DENND1A: variants seen among roughly 807,000 people sequenced by gnomAD.
DENND1A encodes the protein DENN domain containing 1A.
DENND1A carries 51 observed loss-of-function variants against 113.7 expected under a neutral mutation model. That is an observed-to-expected ratio of 0.45 (90% CI 0.36 to 0.57). The LOEUF is 0.57. DENND1A is among the 20% of genes least tolerant of loss of function. The pLI, the probability that DENND1A is intolerant of heterozygous loss-of-function variation, is 0.00. For missense variants in DENND1A, 1,258 were observed against 1,395.9 expected, an observed-to-expected ratio of 0.90 and a Z score of 1.57; for synonymous variants, 565 against 570.8, an observed-to-expected ratio of 0.99 and a Z score of 0.14.
At chr9:123,793,194 T>A (rs1833264471) in intron 2 of DENND1A, among the ~76,000 whole-genome samples, 1 of 152,226 alleles carries the variant, frequency 6.6e-6, no homozygotes. Context: ...CGCTTTTGGC[T>A]TGTCAGTGTA....
intron 1 of DENND1A, among the ~76,000 whole-genome samples, chr9:123,896,265 T>A (rs1440872239): frequency 6.6e-6 from 1 of 151,888 alleles, no homozygotes; most frequent in African/African-American, 2.4e-5. Flanking sequence ...TCAGCCAGGA[T>A]ACTGCCACTG....
chr9:123,815,408 A>G (rs889516787), intron 2 of DENND1A, among the ~76,000 whole-genome samples: 3 of 152,220 alleles, frequency 2.0e-5, no homozygotes, highest in African/African-American at 7.2e-5. Flanking sequence ...AATTCACATG[A>G]CTAGAAACAA....
Position 123,457,897 on chromosome 9 carries a change from C to T in DENND1A, c.994G>A (p.Glu332Lys). The T allele has an allele frequency of 6.2e-7, 1 of 1,608,260 alleles. No homozygotes were observed. ...TCCTCACAGAAAGTGATCGGCTCCTCCTGGGAAGTGCAGAGGGGAGAGGTG... is the reference window on the plus strand; with the variant it reads ...TCCTCACAGAAAGTGATCGGCTCCTTCTGGGAAGTGCAGAGGGGAGAGGTG... ...SYRNALKIEP[E>K]EPITFCEEAF... The change falls in exon 14 of 24, where the codon GAG becomes AAG. Residue 332 changes from glutamate (E) to lysine (K), a missense_variant and splice_region_variant. This residue lies in a region of DENND1A where 1,159 missense variants were observed against 1,231.7 expected (regional missense o/e 0.94). Transcript: ENST00000394215.
At chr9:123,607,549 T>TGTGA (rs2060228026) in intron 11 of DENND1A, among the ~76,000 whole-genome samples, 1 of 61,934 alleles carries the variant, frequency 1.6e-5, no homozygotes, top group Admixed American at 1.6e-4. Flanking sequence ...AGAGAGAGAG[T>TGTGA]GTGTGTGTGT....
chr9:123,447,471 A>G (rs780347307), intron 18 of DENND1A, among the ~76,000 whole-genome samples: 11 of 152,202 alleles, frequency 7.2e-5, no homozygotes, highest in Non-Finnish European at 1.5e-4. Flanking sequence ...CAGCTCAGTC[A>G]TATTAGAGAT....
chr9:123,407,158 G>C (rs2043925886), intron 20 of DENND1A, among the ~76,000 whole-genome samples: 1 of 146,390 alleles, frequency 6.8e-6, no homozygotes, highest in South Asian at 2.3e-4. Context: ...CAGAGCAGGG[G>C]GGGAGGGGCG....
chr9:123,511,899 G>C (rs1046596518), intron 13 of DENND1A, among the ~76,000 whole-genome samples: 6 of 152,188 alleles, frequency 3.9e-5, no homozygotes, highest in African/African-American at 9.7e-5. Context: ...ACAAAACCCA[G>C]CAGTTATCAG....
In DENND1A at chr9:123,421,924, C is replaced by T. The variant is rs1003484632; in HGVS notation, c.1489-10095G>A. Among the ~76,000 whole-genome samples, 5 of 152,310 alleles carry T rather than the reference C, an allele frequency of 3.3e-5. No homozygotes were observed. The East Asian group carries it at 7.7e-4, about 24-fold the overall frequency. On this transcript the variant is annotated intron_variant, in intron 19 of 23. Coordinates refer to ENST00000394215, the MANE Select transcript of DENND1A (RefSeq NM_001352964.2). ...ACCACAAGAAGCCCCTTCTTTCCAG[C>T]CAGCCCCCTCACGGGCCATGGCCCT...
At chr9:123,499,778 C>T (rs897650435) in intron 13 of DENND1A, among the ~76,000 whole-genome samples, 6 of 152,312 alleles carry the variant, frequency 3.9e-5, no homozygotes, top group Admixed American at 1.3e-4. Context: ...GAAGTGCTGC[C>T]GAGCAACCTC....
chr9:123,921,987 TC>T (rs1307666147), intron 1 of DENND1A, among the ~76,000 whole-genome samples: 1 of 151,788 alleles, frequency 6.6e-6, no homozygotes, highest in East Asian at 1.9e-4. Context: ...AGTGGCGTGA[TC>T]TTGACTCACT....
chr9:123,709,570 G>A (rs964695590), intron 5 of DENND1A, among the ~76,000 whole-genome samples: 10 of 151,956 alleles, frequency 6.6e-5, no homozygotes, highest in South Asian at 2.1e-4. Context: ...TAAGTTTTCC[G>A]TAGATCTTGC....
At chr9:123,811,160 A>G (rs1157424828) in intron 2 of DENND1A, among the ~76,000 whole-genome samples, 2 of 152,178 alleles carry the variant, frequency 1.3e-5, no homozygotes, top group African/African-American at 4.8e-5. Context: ...AGTTGAACAC[A>G]TTTCTCAAAA....
intron 11 of DENND1A, among the ~76,000 whole-genome samples, chr9:123,607,384 T>C (rs7868205): frequency 0.059 from 8,696 of 147,884 alleles, 289 homozygotes; most frequent in African/African-American, 0.077. Context: ...ATCAGTGTGT[T>C]CCACTTAGGT....
intron 9 of DENND1A, among the ~76,000 whole-genome samples, chr9:123,639,039 T>TTA (rs1386503152): frequency 9.0e-4 from 29 of 32,106 alleles, no homozygotes; most frequent in Non-Finnish European, 1.3e-3. Flanking sequence ...GCATGAGTAG[T>TTA]AAAAAAAAAA....
At chr9:123,507,859 T>TAA (rs2134434193) in intron 13 of DENND1A, among the ~76,000 whole-genome samples, 1 of 133,606 alleles carries the variant, frequency 7.5e-6, no homozygotes, top group African/African-American at 2.9e-5. Context: ...TAAATAAATA[T>TAA]TTTTTGTCTT....
rs529046556 is a variant in DENND1A at position 123,465,977 on chromosome 9, C to T, written c.994-8080G>A. Among the ~76,000 whole-genome samples, 29 of 152,054 alleles carry T rather than the reference C, an allele frequency of 1.9e-4. 1 individual carries two copies. The highest frequency in any genetic ancestry group is 6.8e-3 in the Middle Eastern group (2 of 294). On this transcript the variant is annotated intron_variant, in intron 13 of 23. Transcript: ENST00000394215. Reference sequence around the variant, plus strand: ...CAGTGGAAACACTGCACAAAACTAACGCCATTGTTTTTATTTCTTTTTTTC... The same window carrying T: ...CAGTGGAAACACTGCACAAAACTAATGCCATTGTTTTTATTTCTTTTTTTC...
chr9:123,888,048 A>C (rs1205331896), intron 1 of DENND1A, among the ~76,000 whole-genome samples: 2 of 152,202 alleles, frequency 1.3e-5, no homozygotes, highest in Non-Finnish European at 2.9e-5. Context: ...CCCCAACAGC[A>C]ATGAGCACAC....
chr9:123,485,652 GCGCGCACACA>G (rs1422018235), intron 13 of DENND1A: 7 of 16,160 alleles, frequency 4.3e-4, no homozygotes, highest in Non-Finnish European at 1.2e-3. Flanking sequence ...ACACGCGCGC[GCGCGCACACA>G]CACACACACA....
intron 2 of DENND1A, among the ~76,000 whole-genome samples, chr9:123,858,058 CAAAA>C (rs1230079039): frequency 3.9e-5 from 2 of 51,104 alleles, no homozygotes; most frequent in Non-Finnish European, 4.1e-5. Context: ...GACTCCGTCT[CAAAA>C]AAAAAAAAAA....
Sources: gnomAD v4.1 joint callset for allele counts (sites outside exome capture counted in the v4.1 genomes callset) on GRCh38, gnomAD v4.1.1 for gene constraint, gnomAD v4.1.1 regional missense constraint, MANE v1.5 for transcripts, NCBI Gene and HGNC (gene_info 2026-07-23, HGNC 2026-07-21) for gene names.